Variants in MYO1H observed in about 807,000 individuals in gnomAD.
MYO1H encodes the protein myosin IH.
MYO1H carries 118 observed loss-of-function variants against 149.3 expected under a neutral mutation model. The observed-to-expected ratio is 0.79, with a 90% CI of 0.68 to 0.92. The LOEUF is 0.92. Ranked by LOEUF, MYO1H falls within the 40% of genes least tolerant of loss-of-function variation. MYO1H has a pLI of 0.00. For missense variants in MYO1H, 1,212 were observed against 1,280.7 expected (o/e 0.95, Z 0.82); for synonymous variants, 447 against 465.2 (o/e 0.96, Z 0.50).
chr12:109,317,282 T>C, the MYO1H span, among the ~76,000 whole-genome samples: 1 of 152,208 alleles, frequency 6.6e-6, no homozygotes, highest in African/African-American at 2.4e-5. Flanking sequence ...CAGTATGTGC[T>C]GGAGACTGAA....
chr12:109,379,447 A>G (rs1869154417), intron 1 of MYO1H, among the ~76,000 whole-genome samples: 1 of 152,094 alleles, frequency 6.6e-6, no homozygotes, highest in South Asian at 2.1e-4. Context: ...GTTTTTTGCT[A>G]TTGGTTTCTG....
upstream of MYO1H, among the ~76,000 whole-genome samples, chr12:109,346,289 A>G (rs941539537): frequency 2.0e-5 from 3 of 152,256 alleles, no homozygotes; most frequent in East Asian, 1.9e-4. Context: ...TGCAAATACT[A>G]TGCCATTTTA....
chr12:109,366,914 A>G (rs1420538558), intron 1 of MYO1H, among the ~76,000 whole-genome samples: 1 of 152,230 alleles, frequency 6.6e-6, no homozygotes, highest in Admixed American at 6.5e-5. Flanking sequence ...TGATGCTCAA[A>G]GGAAACGGTC....
intron 1 of MYO1H, among the ~76,000 whole-genome samples, chr12:109,366,387 A>G (rs1392483990): frequency 2.0e-5 from 3 of 152,182 alleles, no homozygotes; most frequent in African/African-American, 2.4e-5. Flanking sequence ...AGCCAATGCT[A>G]TAGTTTATTC....
chr12:109,345,613 T>C (rs1214943886), upstream of MYO1H, among the ~76,000 whole-genome samples: 2 of 152,112 alleles, frequency 1.3e-5, no homozygotes, highest in Non-Finnish European at 2.9e-5. Context: ...CCTAGGTATA[T>C]ACCCAAGAGA....
At chr12:109,351,530 C>G (rs889977937) in intron 1 of MYO1H, among the ~76,000 whole-genome samples, 14 of 152,174 alleles carry the variant, frequency 9.2e-5, no homozygotes, top group Admixed American at 9.2e-4. Flanking sequence ...AGAACTGGTG[C>G]CTTGTTCACT....
chr12:109,414,177 T>A (rs1870797312), intron 14 of MYO1H, among the ~76,000 whole-genome samples: 1 of 152,056 alleles, frequency 6.6e-6, no homozygotes, highest in East Asian at 1.9e-4. Flanking sequence ...AAAGTCATTT[T>A]AAAAAATCAA....
At chr12:109,402,430 A>G (rs1870204810) in intron 6 of MYO1H, among the ~76,000 whole-genome samples, 1 of 152,214 alleles carries the variant, frequency 6.6e-6, no homozygotes, top group Admixed American at 6.5e-5. Flanking sequence ...AACACTTTCT[A>G]GAAATCATGG....
chr12:109,322,812 TCC>T, the MYO1H span, among the ~76,000 whole-genome samples: 1 of 94,080 alleles, frequency 1.1e-5, no homozygotes, highest in African/African-American at 4.9e-5. Context: ...AGAGGGAGAC[TCC>T]GTCTCAAAAA....
At chr12:109,407,475 A>C (rs1346545740) in intron 9 of MYO1H, among the ~76,000 whole-genome samples, 1 of 151,922 alleles carries the variant, frequency 6.6e-6, no homozygotes, top group African/African-American at 2.4e-5. Context: ...TCATCATTAA[A>C]CACTAGTTCA....
chr12:109,318,974 T>TTTTTTTTTTTTTTTG, the MYO1H span, among the ~76,000 whole-genome samples: 3 of 83,438 alleles, frequency 3.6e-5, no homozygotes, highest in East Asian at 2.7e-4. Flanking sequence ...TTGGTTTTGT[T>TTTTTTTTTTTTTTTG]TTTTTTTTTT....
chr12:109,432,941 C>G (rs1418102069), exon 20 of MYO1H: 1 of 1,614,022 alleles, frequency 6.2e-7, no homozygotes. Context: ...TGGCACGGGC[C>G]TCCAGCAGAG....
intron 3 of MYO1H, among the ~76,000 whole-genome samples, chr12:109,395,116 G>A (rs913564282): frequency 2.6e-5 from 4 of 152,168 alleles, no homozygotes; most frequent in South Asian, 4.2e-4. Context: ...TCGTATTCAG[G>A]TTATATTCCT....
At chr12:109,421,053 G>T (rs1871156239) in intron 16 of MYO1H, 26 bp downstream of exon 16, 1 of 1,456,694 alleles carries the variant, frequency 6.9e-7, no homozygotes, top group Admixed American at 2.0e-5. Context: ...AACTGTATGT[G>T]TTTCTGATTA....
chr12:109,311,415 G>C, the MYO1H span, among the ~76,000 whole-genome samples: 1 of 152,140 alleles, frequency 6.6e-6, no homozygotes, highest in Non-Finnish European at 1.5e-5. Flanking sequence ...ACAAAACCCA[G>C]GGAACTTAAC....
chr12:109,396,814 GTTTTTTTTTTTTTTT>G (rs60551691), intron 4 of MYO1H, among the ~76,000 whole-genome samples: 35 of 51,074 alleles, frequency 6.9e-4, no homozygotes, highest in Admixed American at 1.4e-3. Flanking sequence ...TTTTGGTTTC[GTTTTTTTTTTTTTTT>G]TTTTTTTTTT....
chr12:109,355,661 TG>T (rs1254490485), intron 1 of MYO1H, among the ~76,000 whole-genome samples: 1 of 152,036 alleles, frequency 6.6e-6, no homozygotes, highest in African/African-American at 2.4e-5. Context: ...CTTAGGTTTT[TG>T]TTTTTTTGGT....
At chr12:109,346,391 A>T (rs1007481306), upstream of MYO1H, among the ~76,000 whole-genome samples, 4 of 152,206 alleles carry the variant, frequency 2.6e-5, no homozygotes, top group Non-Finnish European at 5.9e-5. Context: ...AAAACAATGA[A>T]CTGTATAAAT....
At chr12:109,407,621 A>T (rs944514122) in intron 9 of MYO1H, among the ~76,000 whole-genome samples, 173 bp from the exon 10 acceptor site, 1 of 147,886 alleles carries the variant, frequency 6.8e-6, no homozygotes, top group African/African-American at 2.5e-5. Flanking sequence ...AAAAAAAAAA[A>T]AGCGAGGCAT....
Sources: allele counts gnomAD v4.1 joint callset (sites outside exome capture counted in the v4.1 genomes callset), GRCh38; gene constraint gnomAD v4.1.1; transcripts MANE v1.5; gene names NCBI Gene and HGNC (gene_info 2026-07-23, HGNC 2026-07-21).